CUL3: variants seen among roughly 807,000 people sequenced by gnomAD.
The protein encoded by CUL3 is cullin-3.
CUL3 carries 19 observed loss-of-function variants against 89.1 expected under a neutral mutation model. The ratio of observed to expected loss-of-function variants is 0.21; its 90% CI spans 0.15 to 0.31. CUL3 has a LOEUF of 0.31. Among genes scored for constraint, CUL3 ranks in the 10% least tolerant of loss-of-function variants. CUL3 has a pLI of 1.00. For missense variants in CUL3, 469 were observed against 942.3 expected (o/e 0.50, Z 6.58); for synonymous variants, 351 against 308.4 (o/e 1.14, Z -1.45).
chr2:224,555,024 T>C (rs776821165), intron 2 of CUL3, among the ~76,000 whole-genome samples: 1 of 152,184 alleles, frequency 6.6e-6, no homozygotes, highest in Non-Finnish European at 1.5e-5. Flanking sequence ...TGTTCCTCAG[T>C]ATACGTTACC....
At chr2:224,500,548 T>C in intron 10 of CUL3, 61 bp from the exon 11 acceptor site, 1 of 1,537,864 alleles carries the variant, frequency 6.5e-7, no homozygotes, top group Admixed American at 1.7e-5. Flanking sequence ...TTCTGTTCTG[T>C]TTAGACATTG....
Position 224,542,016 on chromosome 2 carries a change from G to A in CUL3, c.265-6375C>T, listed in dbSNP as rs542634299. Among the ~76,000 whole-genome samples, 5 of 152,170 alleles carry A rather than the reference G, an allele frequency of 3.3e-5. No homozygotes were observed. The East Asian group carries it at 7.7e-4, about 23-fold the overall frequency. Reference sequence around the variant, plus strand: ...TGTGTGCTGAAATTCAGAGATATATGAAAATAAAGGCCAATTTTATTATAC... The same window carrying A: ...TGTGTGCTGAAATTCAGAGATATATAAAAATAAAGGCCAATTTTATTATAC... On this transcript the variant is annotated intron_variant, in intron 2 of 15. Coordinates refer to ENST00000264414, the MANE Select transcript of CUL3 (RefSeq NM_003590.5).
rs1691210676 is a variant in CUL3, at chr2:224,473,632, T to C, written c.*613A>G. ...AACAGGGAGAAACCAAATCAGGATG[T>C]GTACTTGAGCCCAAAACAAAGGTTC... is the stretch of plus-strand genomic sequence containing the variant. On this transcript the variant is annotated 3_prime_UTR_variant, in exon 16 of 16. Coordinates refer to ENST00000264414, the MANE Select transcript of CUL3 (RefSeq NM_003590.5). The C allele has an allele frequency of 5.4e-6, 1 of 186,602 alleles. No homozygotes were observed. Among genetic ancestry groups the C allele is most frequent in the Non-Finnish European group, 1.1e-5 (1 of 88,032 alleles). 11.6% of individuals were successfully genotyped at this position (186,602 alleles called of 1,614,324 possible). A position where few individuals can be genotyped will look rare whatever the true frequency, so the allele number is the denominator to read the frequency against.
At chr2:224,488,447 C>A (rs1691827271) in intron 13 of CUL3, among the ~76,000 whole-genome samples, 1 of 152,012 alleles carries the variant, frequency 6.6e-6, no homozygotes, top group Non-Finnish European at 1.5e-5. Flanking sequence ...ACCACCGATC[C>A]CACAGAAATA....
At chr2:224,565,766 A>G (rs1392853581) in intron 1 of CUL3, among the ~76,000 whole-genome samples, 1 of 152,198 alleles carries the variant, frequency 6.6e-6, no homozygotes, top group Non-Finnish European at 1.5e-5. Context: ...TTTCTTCAAG[A>G]TCCATATCCT....
chr2:224,495,115 T>TCAA (rs1692118638), intron 13 of CUL3: 2 of 148,814 alleles, frequency 1.3e-5, no homozygotes, highest in Admixed American at 1.4e-4. Flanking sequence ...TAAAAGATGC[T>TCAA]CAACATCATC....
intron 1 of CUL3, 43 bp from the exon 2 acceptor site, chr2:224,557,899 A>AAAAAAAAAAAAAAAAAAAAAAAAC: frequency 8.8e-7 from 1 of 1,136,454 alleles, no homozygotes; most frequent in Non-Finnish European, 1.2e-6. Context: ...AAAAAAAAAA[A>AAAAAAAAAAAAAAAAAAAAAAAAC]AAAAAACCAA....
chr2:224,527,984 C>A (rs887581756), intron 3 of CUL3, among the ~76,000 whole-genome samples: 2 of 152,212 alleles, frequency 1.3e-5, no homozygotes, highest in African/African-American at 4.8e-5. Flanking sequence ...CTCCACTATA[C>A]AAAATTTGTG....
At chr2:224,557,377 G>A (rs1040340937) in intron 2 of CUL3, among the ~76,000 whole-genome samples, 1 of 152,028 alleles carries the variant, frequency 6.6e-6, no homozygotes, top group Non-Finnish European at 1.5e-5. Flanking sequence ...AAAATTCCTT[G>A]TAATTAACAT....
chr2:224,514,163 G>A (rs1692945743), intron 4 of CUL3, among the ~76,000 whole-genome samples: 1 of 152,132 alleles, frequency 6.6e-6, no homozygotes, highest in Admixed American at 6.6e-5. Flanking sequence ...AAATGACACT[G>A]CAATCATTGT....
In CUL3 at chr2:224,529,583, C is replaced by G. The variant is rs116267705; in HGVS notation, c.378+5945G>C. 5.1e-3 allele frequency among the ~76,000 whole-genome samples: 775 copies of G among 151,152 alleles called. 6 individuals are homozygous for G. Among genetic ancestry groups the G allele is most frequent in the African/African-American group, 0.018 (721 of 41,138 alleles). ...GGCGGAGCTTGCAGTGAGCTGAGAT[C>G]GTGCCACTGTACTCCGAGACTCCCT... is the stretch of plus-strand genomic sequence containing the variant. On this transcript the variant is annotated intron_variant, in intron 3 of 15. Transcript: ENST00000264414.
chr2:224,483,994 A>G (rs1436314314), intron 13 of CUL3, among the ~76,000 whole-genome samples: 1 of 152,190 alleles, frequency 6.6e-6, no homozygotes, highest in African/African-American at 2.4e-5. Flanking sequence ...ATTCAAAATC[A>G]GCCTGGTCAA....
intron 13 of CUL3, among the ~76,000 whole-genome samples, chr2:224,491,547 T>G (rs1317565219): frequency 6.6e-6 from 1 of 152,230 alleles, no homozygotes; most frequent in Non-Finnish European, 1.5e-5. Context: ...CTGATACTTA[T>G]GAATTTCATT....
intron 1 of CUL3, among the ~76,000 whole-genome samples, chr2:224,558,191 TG>T (rs1396809299): frequency 6.6e-6 from 1 of 152,124 alleles, no homozygotes; most frequent in Non-Finnish European, 1.5e-5. Flanking sequence ...CCAAAATACT[TG>T]CCAAGTTAAA....
intron 13 of CUL3, among the ~76,000 whole-genome samples, chr2:224,483,974 G>A (rs974751930): frequency 2.0e-5 from 3 of 152,134 alleles, no homozygotes; most frequent in Non-Finnish European, 2.9e-5. Flanking sequence ...AAAATCACTT[G>A]AGCCCAAGAA....
In CUL3 at chr2:224,485,803, C is replaced by A. The variant is rs1053001459; in HGVS notation, c.1843-3725G>T. Among the ~76,000 whole-genome samples the A allele has an allele frequency of 6.6e-6, 1 of 152,222 alleles. No homozygotes were observed. The highest frequency in any genetic ancestry group is 1.5e-5 in the Non-Finnish European group (1 of 68,038). On this transcript the variant is annotated intron_variant, in intron 13 of 15. Coordinates refer to ENST00000264414, the MANE Select transcript of CUL3 (RefSeq NM_003590.5). This position sits in a 1 kb window ranked among gnomAD's most constrained non-coding sequence, Gnocchi z 4.1. ...CTCAAGTGGGTCCGTGTCCCCCATG[C>A]CTCCCTGACAGGAGACACCTCCCAG...
At position 224,495,840 on chromosome 2, in the gene CUL3, TG is replaced by T. The variant is rs1274328134; in HGVS notation, c.1833del (p.Tyr611Ter). 1 of 1,609,292 alleles carries T rather than the reference TG, an allele frequency of 6.2e-7. No homozygotes were observed. Among genetic ancestry groups the T allele is most frequent in the Non-Finnish European group, 8.5e-7 (1 of 1,176,672 alleles). On this transcript the variant is annotated frameshift_variant, in exon 13 of 16. Transcript: ENST00000264414. LOFTEE classifies it high-confidence loss of function. ...ATAACCACAATCCATACCTCAAATG[TG>T]TATTTTTCTCTATTATTAAAGAGCA... The part of the protein sequence containing the change: ...ILMLFNNREK[Y>X]TFEEIQQETD...
chr2:224,471,211 T>C lies in CUL3; in HGVS notation c.*3034A>G, dbSNP rs914477515. 1 of 211,276 alleles carries C rather than the reference T, an allele frequency of 4.7e-6. No individual in the cohort carries two copies. Among genetic ancestry groups the C allele is most frequent in the Non-Finnish European group, 9.6e-6 (1 of 104,282 alleles). 13.1% of individuals were successfully genotyped at this position (211,276 alleles called of 1,614,324 possible). On this transcript the variant is annotated 3_prime_UTR_variant, in exon 16 of 16. Transcript: ENST00000264414. ...TAAAATACATGACCTACAATTGATA[T>C]GCAACAGCTTTCCTTCCAAGATTGA... is the stretch of plus-strand genomic sequence containing the variant.
chr2:224,513,391 T>C (rs1692915746), intron 5 of CUL3, 133 bp downstream of exon 5: 1 of 618,790 alleles, frequency 1.6e-6, no homozygotes, highest in Admixed American at 3.3e-5. Flanking sequence ...AGTGTGCTGA[T>C]GGGCATTTTT....
Sources: allele counts gnomAD v4.1 joint callset (sites outside exome capture counted in the v4.1 genomes callset), GRCh38; gene constraint gnomAD v4.1.1; non-coding constraint Gnocchi (gnomAD v3.1); transcripts MANE v1.5; gene names NCBI Gene and HGNC (gene_info 2026-07-23, HGNC 2026-07-21).